UBA6: variants seen among roughly 807,000 people sequenced by gnomAD.
The protein encoded by UBA6 is ubiquitin-like modifier-activating enzyme 6.
A neutral mutation model predicts 148.3 loss-of-function variants in UBA6; 87 were observed. That is an observed-to-expected ratio of 0.59 (90% confidence interval 0.49 to 0.70). The LOEUF is 0.70. Ranked by LOEUF, UBA6 falls within the 30% of genes least tolerant of loss-of-function variation. The pLI, the probability that UBA6 is intolerant of heterozygous loss-of-function variation, is 0.00. For synonymous variants in UBA6, 376 were observed against 401.0 expected, an observed-to-expected ratio of 0.94 and a Z score of 0.75; for missense variants, 1,186 against 1,241.2, an observed-to-expected ratio of 0.96 and a Z score of 0.67.
intron 29 of UBA6, 122 bp downstream of exon 29, chr4:67,624,872 A>G (rs1275465087): frequency 2.7e-6 from 2 of 733,388 alleles, no homozygotes; most frequent in African/African-American, 3.5e-5. Context: ...ATTTTAAATT[A>G]TGAGATCCAA....
intron 27 of UBA6, among the ~76,000 whole-genome samples, chr4:67,627,993 C>T (rs1191065284): frequency 6.9e-6 from 1 of 144,618 alleles, no homozygotes; most frequent in African/African-American, 2.6e-5. Context: ...CTAGTTATAT[C>T]CAATTTTCCA....
chr4:67,629,167 C>A, intron 26 of UBA6, 25 bp from the exon 27 acceptor site: 1 of 1,453,906 alleles, frequency 6.9e-7, no homozygotes, highest in Non-Finnish European at 9.6e-7. Flanking sequence ...GTAATTTTAC[C>A]AACAAACATA....
At chr4:67,696,971 C>CAT (rs1730855243) in intron 1 of UBA6, among the ~76,000 whole-genome samples, 2 of 151,820 alleles carry the variant, frequency 1.3e-5, no homozygotes, top group South Asian at 2.1e-4. Context: ...TACATAAATA[C>CAT]ATATATATAT....
chr4:67,644,490 TTAATTTGCTACAAGGGGAAGAGAAG>T (rs1729375314), intron 17 of UBA6, among the ~76,000 whole-genome samples, 183 bp downstream of exon 17: 1 of 152,180 alleles, frequency 6.6e-6, no homozygotes, highest in African/African-American at 2.4e-5. Flanking sequence ...GAGAAAAGAA[TTAATTTGCTACAAGGGGAAGAGAAG>T]TAATTTGCTA....
At chr4:67,694,629 C>T (rs966927258) in intron 2 of UBA6, among the ~76,000 whole-genome samples, 1 of 152,068 alleles carries the variant, frequency 6.6e-6, no homozygotes, top group African/African-American at 2.4e-5. Flanking sequence ...GATCTCCTGA[C>T]CTCGTGATCC....
chr4:67,698,975 A>G (rs1730906931), intron 1 of UBA6, among the ~76,000 whole-genome samples: 1 of 152,110 alleles, frequency 6.6e-6, no homozygotes, highest in South Asian at 2.1e-4. Context: ...CAAACAAACA[A>G]AACAAAACAA....
chr4:67,641,368 C>A lies in UBA6; in HGVS notation c.1477-140G>T, dbSNP rs946012369. 2.7e-5 allele frequency: 15 copies of A among 548,970 alleles called. No individual in the cohort carries two copies. In the African/African-American group the frequency reaches 2.9e-4, roughly 11 times the overall value. The allele number at this position is 548,970 out of a possible 1,614,324, so 34.0% of individuals were successfully genotyped here. A position where few individuals can be genotyped will look rare whatever the true frequency, so the allele number is the denominator to read the frequency against. ...TAAAGGTCATAATGATACAAACATT[C>A]CCAAATAGTTACCAATACTACTCTT... On this transcript the variant is annotated intron_variant, in intron 17 of 32. Coordinates refer to ENST00000322244, the MANE Select transcript of UBA6 (RefSeq NM_018227.6).
At chr4:67,621,668 T>C (rs934654052) in intron 32 of UBA6, among the ~76,000 whole-genome samples, 3 of 151,804 alleles carry the variant, frequency 2.0e-5, no homozygotes, top group African/African-American at 7.3e-5. Context: ...CCAGGTGTGG[T>C]GTTGGGTGCC....
chr4:67,619,913 T>C (rs1005596076), intron 32 of UBA6, among the ~76,000 whole-genome samples: 2 of 151,760 alleles, frequency 1.3e-5, no homozygotes, highest in Non-Finnish European at 2.9e-5. Context: ...GTCTCTTTTC[T>C]ACTTCCAATC....
chr4:67,637,182 G>C (rs1219976398), intron 19 of UBA6, among the ~76,000 whole-genome samples: 1 of 149,838 alleles, frequency 6.7e-6, no homozygotes, highest in Non-Finnish European at 1.5e-5. Flanking sequence ...GAGGTGGGGG[G>C]GCAGCCCCCA....
At chr4:67,682,335 T>C in intron 2 of UBA6, 122 bp from the exon 3 acceptor site, 1 of 678,638 alleles carries the variant, frequency 1.5e-6, no homozygotes, top group Admixed American at 2.7e-5. Flanking sequence ...TTATGAATGA[T>C]TTGCACAGTG....
At chr4:67,674,384 G>T (rs1730225541) in intron 6 of UBA6, among the ~76,000 whole-genome samples, 1 of 152,056 alleles carries the variant, frequency 6.6e-6, no homozygotes, top group Non-Finnish European at 1.5e-5. Flanking sequence ...AAACTTGAGG[G>T]ATGAGGTAAG....
intron 13 of UBA6, among the ~76,000 whole-genome samples, chr4:67,659,148 C>A (rs1464813215): frequency 1.3e-5 from 2 of 152,164 alleles, no homozygotes; most frequent in African/African-American, 4.8e-5. Flanking sequence ...ACTATATATG[C>A]AATAAAAGGT....
rs1253813096 is a variant in UBA6, at chr4:67,643,734, G to GACA, written c.1476+963_1476+964insTGT. On this transcript the variant is annotated intron_variant, in intron 17 of 32. Transcript: ENST00000322244. ...ATACAGTAAGTCTGTGTTTCCAGTA[G>GACA]TATAGAAGCATGTCCACATTAACTT... Among the ~76,000 whole-genome samples, 11 of 152,144 alleles carry GACA rather than the reference G, an allele frequency of 7.2e-5. No homozygotes were observed. In the Middle Eastern group the frequency reaches 0.01, roughly 141 times the overall value.
chr4:67,667,376 C>T (rs1426116610), intron 9 of UBA6, among the ~76,000 whole-genome samples: 1 of 151,868 alleles, frequency 6.6e-6, no homozygotes, highest in Non-Finnish European at 1.5e-5. Flanking sequence ...ATGATCTGAA[C>T]CTGTATTTAA....
At chr4:67,642,380 T>G (rs1729327952) in intron 17 of UBA6, among the ~76,000 whole-genome samples, 1 of 152,134 alleles carries the variant, frequency 6.6e-6, no homozygotes, top group Non-Finnish European at 1.5e-5. Context: ...TCATTTAATT[T>G]GGAACTCTCC....
At chr4:67,661,265 T>C (rs1039423589) in intron 13 of UBA6, among the ~76,000 whole-genome samples, 11 of 152,142 alleles carry the variant, frequency 7.2e-5, no homozygotes, top group Non-Finnish European at 1.3e-4. Flanking sequence ...AGGGATGAAA[T>C]GATACATTTT....
chr4:67,646,409 T>A (rs1463834738), intron 15 of UBA6, among the ~76,000 whole-genome samples: 1 of 152,122 alleles, frequency 6.6e-6, no homozygotes, highest in East Asian at 1.9e-4. Context: ...CTCAAAAAGA[T>A]TTATGACCCA....
At chr4:67,638,862 G>A (rs1577800215) in intron 19 of UBA6, 81 bp downstream of exon 19, 15 of 1,053,744 alleles carry the variant, frequency 1.4e-5, no homozygotes, top group South Asian at 1.3e-4. Flanking sequence ...AGATAATTCC[G>A]TAACTTTTCA....
Sources: allele counts gnomAD v4.1 joint callset (sites outside exome capture counted in the v4.1 genomes callset), GRCh38; gene constraint gnomAD v4.1.1; transcripts MANE v1.5; gene names NCBI Gene and HGNC (gene_info 2026-07-23, HGNC 2026-07-21).